Variants in HS6ST3 observed in about 807,000 individuals in gnomAD.
HS6ST3 encodes the protein heparan-sulfate 6-O-sulfotransferase 3.
HS6ST3 carries 12 observed loss-of-function variants against 36.7 expected under a neutral mutation model. The ratio of observed to expected loss-of-function variants is 0.33; its 90% confidence interval spans 0.21 to 0.53. The LOEUF is 0.53. HS6ST3 is among the 20% of genes least tolerant of loss of function. The pLI is 0.95. For synonymous variants in HS6ST3, 240 were observed against 257.5 expected (o/e 0.93, Z 0.65); for missense variants, 584 against 640.9 (o/e 0.91, Z 0.96).
chr13:96,251,521 T>TA (rs2054607934), intron 1 of HS6ST3, among the ~76,000 whole-genome samples: 1 of 152,122 alleles, frequency 6.6e-6, no homozygotes, highest in Non-Finnish European at 1.5e-5. Context: ...GTTTATCTTT[T>TA]AAAAAGACAA....
intron 1 of HS6ST3, among the ~76,000 whole-genome samples, chr13:96,098,938 TTTG>T (rs373140921): frequency 1.1e-4 from 16 of 152,000 alleles, no homozygotes; most frequent in Non-Finnish European, 2.1e-4. Context: ...TGCATATATG[TTTG>T]TTGTTGTTGT....
intron 1 of HS6ST3, among the ~76,000 whole-genome samples, chr13:96,153,436 T>C (rs1290005298): frequency 6.6e-6 from 1 of 152,172 alleles, no homozygotes; most frequent in Non-Finnish European, 1.5e-5. Context: ...TACCTTGGCT[T>C]TCCTCTCAGG....
At position 96,804,721 on chromosome 13, in the gene HS6ST3, G is replaced by A. The variant is rs541179312; in HGVS notation, c.708-27769G>A. ...AAAGCTTTCATTTCAACAATAAGTAGCATGGAATGCGGGAGAAACCACATC... is the reference window on the plus strand; with the variant it reads ...AAAGCTTTCATTTCAACAATAAGTAACATGGAATGCGGGAGAAACCACATC... On this transcript the variant is annotated intron_variant, in intron 1 of 1. Transcript: ENST00000376705. 2.7e-4 allele frequency among the ~76,000 whole-genome samples: 41 copies of A among 152,144 alleles called. 1 individual carries two copies. Among genetic ancestry groups the A allele is most frequent in the Non-Finnish European group, 5.3e-4 (36 of 68,004 alleles).
intron 1 of HS6ST3, among the ~76,000 whole-genome samples, chr13:96,593,231 T>G (rs2056389874): frequency 8.3e-6 from 1 of 120,526 alleles, no homozygotes; most frequent in Non-Finnish European, 1.6e-5. Context: ...TCACCCAGGC[T>G]GGAGTGCAGT....
chr13:96,338,892 A>C (rs1174377254), intron 1 of HS6ST3, among the ~76,000 whole-genome samples: 1 of 152,186 alleles, frequency 6.6e-6, no homozygotes, highest in Non-Finnish European at 1.5e-5. Flanking sequence ...TCAAAAAAAC[A>C]AGACTCTTTG....
intron 1 of HS6ST3, among the ~76,000 whole-genome samples, chr13:96,620,180 G>A (rs77287734): frequency 0.012 from 1,838 of 152,284 alleles, 32 homozygotes; most frequent in African/African-American, 0.042. Flanking sequence ...ATAAAAGAAA[G>A]TTGTCTGCTT....
intron 1 of HS6ST3, among the ~76,000 whole-genome samples, chr13:96,628,011 C>T (rs2056519011): frequency 6.6e-6 from 1 of 151,350 alleles, no homozygotes; most frequent in Non-Finnish European, 1.5e-5. Flanking sequence ...ATTTGTTTTC[C>T]AGTTCTTTAT....
chr13:96,526,763 C>CTG (rs753091038), intron 1 of HS6ST3, among the ~76,000 whole-genome samples: 1 of 152,142 alleles, frequency 6.6e-6, no homozygotes, highest in African/African-American at 2.4e-5. Flanking sequence ...AAAGCAAATG[C>CTG]TGTGATCTAG....
chr13:96,388,014 C>A (rs907539781), intron 1 of HS6ST3, among the ~76,000 whole-genome samples: 3 of 152,192 alleles, frequency 2.0e-5, no homozygotes, highest in African/African-American at 7.2e-5. Flanking sequence ...ATTTGGCCAA[C>A]TTTGATGGCC....
intron 1 of HS6ST3, among the ~76,000 whole-genome samples, chr13:96,150,889 C>T (rs1291459890): frequency 1.3e-5 from 2 of 152,078 alleles, no homozygotes; most frequent in Admixed American, 1.3e-4. Flanking sequence ...TAATGTATAA[C>T]ATAATATATA....
chr13:96,586,555 C>T (rs2056362247), intron 1 of HS6ST3, among the ~76,000 whole-genome samples: 1 of 151,840 alleles, frequency 6.6e-6, no homozygotes, highest in African/African-American at 2.4e-5. Context: ...CTCAGCCTCC[C>T]AAAGTGCTAT....
chr13:96,356,187 T>C (rs972733058), intron 1 of HS6ST3, among the ~76,000 whole-genome samples: 2 of 152,176 alleles, frequency 1.3e-5, no homozygotes, highest in South Asian at 4.1e-4. Flanking sequence ...ACTTCCTCCA[T>C]TGAAGGCTTG....
At chr13:96,552,273 C>A (rs887783591) in intron 1 of HS6ST3, among the ~76,000 whole-genome samples, 3 of 152,090 alleles carry the variant, frequency 2.0e-5, no homozygotes, top group African/African-American at 4.8e-5. Flanking sequence ...TGTATTTTTC[C>A]TGACCACCGC....
intron 1 of HS6ST3, among the ~76,000 whole-genome samples, chr13:96,799,721 T>G (rs1216934330): frequency 6.6e-6 from 1 of 151,118 alleles, no homozygotes; most frequent in Non-Finnish European, 1.5e-5. Flanking sequence ...GCATGGCACA[T>G]GTATACATAT....
chr13:96,191,655 C>T (rs1041422858), intron 1 of HS6ST3, among the ~76,000 whole-genome samples: 5 of 152,150 alleles, frequency 3.3e-5, no homozygotes, highest in Admixed American at 1.3e-4. Context: ...TTTCCCATCA[C>T]GGTGTGAGCT....
At position 96,833,292 on chromosome 13, in the gene HS6ST3, C is replaced by A; in HGVS notation, c.*94C>A. Reference sequence around the variant, plus strand: ...TGGAGAAGCTGAGCCATTCTGAGGACATCTGGCTGTGTGTGCTTGATTTGG... The same window carrying A: ...TGGAGAAGCTGAGCCATTCTGAGGAAATCTGGCTGTGTGTGCTTGATTTGG... On this transcript the variant is annotated 3_prime_UTR_variant, in exon 2 of 2. Transcript: ENST00000376705. The A allele has an allele frequency of 2.1e-6, 2 of 943,542 alleles. No individual in the cohort carries two copies. Among genetic ancestry groups the A allele is most frequent in the Non-Finnish European group, 3.1e-6 (2 of 650,774 alleles). 58.4% of individuals were successfully genotyped at this position (943,542 alleles called of 1,614,324 possible).
At chr13:96,229,612 T>C (rs372951718) in intron 1 of HS6ST3, among the ~76,000 whole-genome samples, 10 of 152,320 alleles carry the variant, frequency 6.6e-5, no homozygotes, top group African/African-American at 2.2e-4. Context: ...CCAACCCTAT[T>C]ATCTCCCAAA....
intron 1 of HS6ST3, among the ~76,000 whole-genome samples, chr13:96,365,548 A>T (rs1392633791): frequency 6.6e-6 from 1 of 152,158 alleles, no homozygotes; most frequent in African/African-American, 2.4e-5. Context: ...ATTAATAATA[A>T]GGAGTTTAAA....
intron 1 of HS6ST3, among the ~76,000 whole-genome samples, chr13:96,437,129 C>T (rs762916433): frequency 5.3e-5 from 8 of 152,150 alleles, no homozygotes; most frequent in Non-Finnish European, 7.3e-5. Flanking sequence ...CTCTTTGTTC[C>T]TATGCTAAAC....
Sources: gnomAD v4.1 joint callset for allele counts (sites outside exome capture counted in the v4.1 genomes callset) on GRCh38, gnomAD v4.1.1 for gene constraint, MANE v1.5 for transcripts, NCBI Gene and HGNC (gene_info 2026-07-23, HGNC 2026-07-21) for gene names.